The following ATP11A variants were observed in gnomAD, a reference collection of about 807,000 sequenced individuals.
ATP11A encodes phospholipid-transporting ATPase IH.
In ATP11A, 81 loss-of-function variants were observed where a neutral mutation model predicts 154.4. That is an observed-to-expected ratio of 0.52 (90% CI 0.44 to 0.63). ATP11A has a LOEUF of 0.63. Ranked by LOEUF, ATP11A falls within the 30% of genes least tolerant of loss-of-function variation. ATP11A has a pLI of 0.00. For missense variants in ATP11A, 1,316 were observed against 1,474.3 expected, an observed-to-expected ratio of 0.89 and a Z score of 1.76; for synonymous variants, 623 against 585.9, an observed-to-expected ratio of 1.06 and a Z score of -0.91.
At chr13:112,793,605 G>A (rs970428389) in intron 2 of ATP11A, among the ~76,000 whole-genome samples, 2 of 152,196 alleles carry the variant, frequency 1.3e-5, no homozygotes, top group African/African-American at 4.8e-5. Flanking sequence ...CCTGCCTCCC[G>A]GTCATAAACA....
At chr13:112,716,984 C>T (rs1408527034) in intron 1 of ATP11A, among the ~76,000 whole-genome samples, 3 of 152,082 alleles carry the variant, frequency 2.0e-5, no homozygotes, top group Non-Finnish European at 2.9e-5. Context: ...CACCCACAGA[C>T]GCAGACCCAC....
chr13:112,715,464 A>ACC (rs752858426), intron 1 of ATP11A, among the ~76,000 whole-genome samples: 16 of 60,260 alleles, frequency 2.7e-4, no homozygotes, highest in African/African-American at 4.4e-4. Context: ...CACCTGGCCC[A>ACC]TCCCCCACAC....
intron 15 of ATP11A, 59 bp downstream of exon 15, chr13:112,834,719 T>C (rs1474727451): frequency 2.8e-6 from 4 of 1,410,448 alleles, no homozygotes; most frequent in Admixed American, 1.7e-5. Context: ...GTGTTCTTTA[T>C]AAGGTTCTGC....
At chr13:112,728,401 C>T (rs942911417) in intron 1 of ATP11A, among the ~76,000 whole-genome samples, 5 of 150,980 alleles carry the variant, frequency 3.3e-5, no homozygotes, top group African/African-American at 7.3e-5. Flanking sequence ...CTGTGCGGCC[C>T]GGCTCCCTGT....
At position 112,762,137 on chromosome 13, in the gene ATP11A, T is replaced by C. The variant is rs76287711; in HGVS notation, c.40-22998T>C. Among the ~76,000 whole-genome samples, 601 of 152,254 alleles carry C rather than the reference T, an allele frequency of 3.9e-3. 4 individuals carry two copies. Among genetic ancestry groups the C allele is most frequent in the African/African-American group, 0.014 (567 of 41,554 alleles). On this transcript the variant is annotated intron_variant, in intron 1 of 29. Coordinates refer to ENST00000375645, the MANE Select transcript of ATP11A (RefSeq NM_015205.3). ...TTATGAGGTATATGTGGGTTTTAAGTGTGTGGGAAACCTTCACAGGGCAGC... is the reference window on the plus strand; with the variant it reads ...TTATGAGGTATATGTGGGTTTTAAGCGTGTGGGAAACCTTCACAGGGCAGC...
At chr13:112,874,050 C>T (rs958172244) in intron 27 of ATP11A, among the ~76,000 whole-genome samples, 4 of 152,222 alleles carry the variant, frequency 2.6e-5, no homozygotes, top group African/African-American at 9.6e-5. Flanking sequence ...CAGCAAGTCC[C>T]AGCTGGTAAC....
At chr13:112,739,760 G>A (rs953731477) in intron 1 of ATP11A, among the ~76,000 whole-genome samples, 3 of 152,216 alleles carry the variant, frequency 2.0e-5, no homozygotes, top group African/African-American at 7.2e-5. Context: ...GGTAAACAAT[G>A]TGATTTATCC....
chr13:112,809,430 C>T (rs1173839870), intron 4 of ATP11A, among the ~76,000 whole-genome samples: 2 of 152,142 alleles, frequency 1.3e-5, no homozygotes, highest in South Asian at 2.1e-4. Context: ...CCACTGATGC[C>T]GCCACGTGGC....
At chr13:112,845,454 C>CT (rs1252501217) in intron 17 of ATP11A, among the ~76,000 whole-genome samples, 1 of 118,000 alleles carries the variant, frequency 8.5e-6, no homozygotes, top group Non-Finnish European at 1.7e-5. Flanking sequence ...GTTGCCAGCA[C>CT]TAGCGGTACT....
In ATP11A at chr13:112,863,842, G is replaced by A. The variant is rs376906980; in HGVS notation, c.2991+1267G>A. Among the ~76,000 whole-genome samples the A allele has an allele frequency of 3.4e-4, 24 of 70,906 alleles. 2 individuals carry two copies. Among genetic ancestry groups the A allele is most frequent in the African/African-American group, 1.0e-3 (18 of 17,430 alleles). 46.5% of individuals were successfully genotyped at this position (70,906 alleles called of 152,430 possible). A position where few individuals can be genotyped will look rare whatever the true frequency, so the allele number is the denominator to read the frequency against. On this transcript the variant is annotated intron_variant, in intron 25 of 29. Transcript: ENST00000375645. ...CTCAGCGGGGTCCATCACCACCTGC[G>A]CAGTAATTCAGTGCGGCCCATGCAG... is the stretch of plus-strand genomic sequence containing the variant.
At chr13:112,735,667 T>TA (rs1191928913) in intron 1 of ATP11A, among the ~76,000 whole-genome samples, 1 of 152,174 alleles carries the variant, frequency 6.6e-6, no homozygotes, top group East Asian at 1.9e-4. Flanking sequence ...TAAGAAGTGC[T>TA]AAGTGGTCAC....
At position 112,883,401 on chromosome 13, in the gene ATP11A, C is replaced by T; in HGVS notation, c.*1535C>T. The stretch of plus-strand genomic sequence containing the variant: ...GAAACTGCTGCCTTTCAGGAAAGCA[C>T]CACCAACGCTGGAGGAGGAGCCGGC... On this transcript the variant is annotated 3_prime_UTR_variant, in exon 30 of 30. Coordinates refer to ENST00000375645, the MANE Select transcript of ATP11A (RefSeq NM_015205.3). The T allele has an allele frequency of 2.6e-6, 1 of 389,956 alleles. No individual in the cohort carries two copies. Among genetic ancestry groups the T allele is most frequent in the Non-Finnish European group, 4.5e-6 (1 of 221,010 alleles). 24.2% of individuals were successfully genotyped at this position (389,956 alleles called of 1,614,324 possible).
intron 1 of ATP11A, among the ~76,000 whole-genome samples, chr13:112,699,694 C>T (rs1240584375): frequency 1.3e-5 from 2 of 152,178 alleles, no homozygotes; most frequent in East Asian, 1.9e-4. Flanking sequence ...TGGTGGAGGC[C>T]GAGCCTGCCA....
chr13:112,860,413 A>C lies in ATP11A; in HGVS notation c.2854A>C (p.Arg952=). 1 of 1,614,082 alleles carries C rather than the reference A, an allele frequency of 6.2e-7. No homozygotes were observed. Among genetic ancestry groups the C allele is most frequent in the Non-Finnish European group, 8.5e-7 (1 of 1,179,956 alleles). ...DVLKRDPTLY[R]DVAKNALLRW... The stretch of plus-strand genomic sequence containing the variant: ...GCTCAAGAGAGACCCGACCCTGTAC[A>C]GGTACCATCCTCCAAACAGCCTCTC... Residue 952 remains arginine (R), a splice_region_variant and synonymous_variant, in exon 24 of 30, where the codon AGG becomes CGG. Transcript: ENST00000375645.
chr13:112,740,961 T>C (rs1409282313), intron 1 of ATP11A, among the ~76,000 whole-genome samples: 1 of 152,234 alleles, frequency 6.6e-6, no homozygotes, highest in Non-Finnish European at 1.5e-5. Flanking sequence ...CATTTTAAAA[T>C]AGTGCGTTTT....
intron 1 of ATP11A, among the ~76,000 whole-genome samples, chr13:112,771,564 A>T (rs2077226356): frequency 6.6e-6 from 1 of 152,014 alleles, no homozygotes. Flanking sequence ...TACTGGGCTC[A>T]CTTTTACCCA....
At chr13:112,877,570 T>C (rs2080766972) in intron 28 of ATP11A, among the ~76,000 whole-genome samples, 1 of 151,378 alleles carries the variant, frequency 6.6e-6, no homozygotes, top group Non-Finnish European at 1.5e-5. Flanking sequence ...CTTGGGGGTG[T>C]CTGCTGGGCC....
intron 18 of ATP11A, 59 bp downstream of exon 18, chr13:112,851,277 C>T: frequency 1.9e-6 from 3 of 1,559,800 alleles, no homozygotes; most frequent in Non-Finnish European, 2.6e-6. Flanking sequence ...GCCGACGGCC[C>T]AGGGCGTGTG....
intron 17 of ATP11A, 50 bp from the exon 18 acceptor site, chr13:112,850,987 C>T: frequency 1.3e-6 from 2 of 1,569,806 alleles, no homozygotes; most frequent in Non-Finnish European, 1.7e-6. Flanking sequence ...CGTAATATTT[C>T]AGCAAGTGAC....
Sources: allele counts gnomAD v4.1 joint callset (sites outside exome capture counted in the v4.1 genomes callset), GRCh38; gene constraint gnomAD v4.1.1; transcripts MANE v1.5; gene names NCBI Gene and HGNC (gene_info 2026-07-23, HGNC 2026-07-21).